Variants in MSI2 observed in about 807,000 individuals in gnomAD.
The protein encoded by MSI2 is musashi RNA binding protein 2.
In MSI2, 17 loss-of-function variants were observed where a neutral mutation model predicts 45.6. The observed-to-expected ratio is 0.37, with a 90% CI of 0.26 to 0.56. The LOEUF (loss-of-function observed/expected upper bound fraction) is 0.56, where lower values mean the gene tolerates loss of function less well. MSI2 is among the 20% of genes least tolerant of loss of function. The probability of loss-of-function intolerance (pLI) is 0.77; values close to 1 mark genes in which losing one functional copy is unlikely to be tolerated. For synonymous variants in MSI2, 156 were observed against 158.2 expected (o/e 0.99, Z 0.11); for missense variants, 293 against 444.2 (o/e 0.66, Z 3.06).
chr17:57,477,315 C>A (rs958384282), intron 6 of MSI2, among the ~76,000 whole-genome samples: 1 of 152,036 alleles, frequency 6.6e-6, no homozygotes, highest in Non-Finnish European at 1.5e-5. Flanking sequence ...ACACAATTGC[C>A]TGTTAATGGA....
chr17:57,522,838 A>G (rs2086620324), intron 6 of MSI2: 1 of 152,234 alleles, frequency 6.6e-6, no homozygotes, highest in South Asian at 2.1e-4. Flanking sequence ...TACCAGCAAC[A>G]CTGCTCTTTA....
intron 6 of MSI2, among the ~76,000 whole-genome samples, chr17:57,418,377 A>C (rs2084334394): frequency 6.6e-6 from 1 of 152,252 alleles, no homozygotes; most frequent in Non-Finnish European, 1.5e-5. Flanking sequence ...CACATGTCAG[A>C]AAGGTACATT....
intron 5 of MSI2, among the ~76,000 whole-genome samples, chr17:57,300,203 G>A (rs1268260413): frequency 6.6e-6 from 1 of 152,150 alleles, no homozygotes; most frequent in Non-Finnish European, 1.5e-5. Context: ...CAAGCAGTGG[G>A]ATTTTTTTTT....
intron 7 of MSI2, among the ~76,000 whole-genome samples, chr17:57,549,221 C>G (rs957558110): frequency 2.0e-5 from 3 of 151,842 alleles, no homozygotes; most frequent in Admixed American, 6.6e-5. Context: ...ATTGTGCATG[C>G]TGCCATCTAA....
At chr17:57,470,664 G>GCAGGC (rs2085418006) in intron 6 of MSI2, among the ~76,000 whole-genome samples, 1 of 152,224 alleles carries the variant, frequency 6.6e-6, no homozygotes, top group African/African-American at 2.4e-5. Context: ...ATAGTTGACT[G>GCAGGC]TGTGCACTGG....
intron 10 of MSI2, among the ~76,000 whole-genome samples, chr17:57,643,571 G>A (rs1455288890): frequency 1.1e-4 from 16 of 152,184 alleles, no homozygotes. Context: ...CCCTGGTTCC[G>A]CACTTGCCTC....
At chr17:57,346,934 A>G (rs1304053916) in intron 5 of MSI2, among the ~76,000 whole-genome samples, 2 of 152,148 alleles carry the variant, frequency 1.3e-5, no homozygotes, top group Non-Finnish European at 2.9e-5. Flanking sequence ...CAAAACCTAA[A>G]CAGAATAGGT....
Position 57,536,654 on chromosome 17 carries a change from C to T in MSI2, c.454+6930C>T, listed in dbSNP as rs764908979. 2.6e-5 allele frequency among the ~76,000 whole-genome samples: 4 copies of T among 152,208 alleles called. No individual in the cohort carries two copies. In the South Asian group the frequency reaches 8.3e-4, roughly 32 times the overall value. The stretch of plus-strand genomic sequence containing the variant: ...GATGTGTTAAGGGGTTTATTGGAAG[C>T]CTGTAAACCAACAGTTGGTCACTAT... On this transcript the variant is annotated intron_variant, in intron 7 of 13. Coordinates refer to ENST00000284073, the MANE Select transcript of MSI2 (RefSeq NM_138962.4).
intron 7 of MSI2, among the ~76,000 whole-genome samples, chr17:57,572,581 C>T (rs1311741687): frequency 6.6e-6 from 1 of 152,330 alleles, no homozygotes; most frequent in East Asian, 1.9e-4. Flanking sequence ...TGGCTGCAGC[C>T]TCAGGTACCT....
intron 5 of MSI2, among the ~76,000 whole-genome samples, chr17:57,368,321 T>C (rs2083370440): frequency 6.6e-6 from 1 of 152,128 alleles, no homozygotes; most frequent in Non-Finnish European, 1.5e-5. Context: ...TTTGGGAGGC[T>C]GAGGCGGGCG....
chr17:57,633,068 C>G, intron 10 of MSI2: 1 of 1,037,154 alleles, frequency 9.6e-7, no homozygotes, highest in Non-Finnish European at 1.2e-6. Context: ...AACGTTTTAG[C>G]CATTGTGAAT....
chr17:57,527,462 G>A (rs1254377294), intron 6 of MSI2, among the ~76,000 whole-genome samples: 1 of 45,566 alleles, frequency 2.2e-5, no homozygotes, highest in Non-Finnish European at 4.9e-5. Flanking sequence ...GCAGGTTACC[G>A]TCGGCGGGGG....
At chr17:57,270,218 A>G (rs901589757) in intron 5 of MSI2, among the ~76,000 whole-genome samples, 12 of 152,336 alleles carry the variant, frequency 7.9e-5, no homozygotes, top group African/African-American at 2.6e-4. Context: ...TACCGAGACT[A>G]TACACTTAGT....
chr17:57,564,086 C>G (rs2087667225), intron 7 of MSI2, among the ~76,000 whole-genome samples: 1 of 152,210 alleles, frequency 6.6e-6, no homozygotes, highest in African/African-American at 2.4e-5. Context: ...CTGTTGTGCT[C>G]AAGACACAAA....
chr17:57,600,762 C>A (rs1389434501), intron 8 of MSI2: 3 of 152,210 alleles, frequency 2.0e-5, no homozygotes, highest in Non-Finnish European at 4.4e-5. Flanking sequence ...AAAGACCCCA[C>A]ATGACACCCT....
At chr17:57,525,564 T>G (rs1401539254) in intron 6 of MSI2, among the ~76,000 whole-genome samples, 6 of 152,182 alleles carry the variant, frequency 3.9e-5, no homozygotes, top group African/African-American at 1.2e-4. Context: ...CTGGGATTAC[T>G]AGACATGAGC....
intron 6 of MSI2, among the ~76,000 whole-genome samples, chr17:57,452,318 G>A (rs904816687): frequency 7.2e-5 from 11 of 152,218 alleles, no homozygotes; most frequent in African/African-American, 2.2e-4. Context: ...CAGGTGACCC[G>A]CAGTCAGCCA....
chr17:57,338,605 G>C (rs946171419), intron 5 of MSI2, among the ~76,000 whole-genome samples: 1 of 152,158 alleles, frequency 6.6e-6, no homozygotes, highest in Non-Finnish European at 1.5e-5. Flanking sequence ...ACTCGTAGCC[G>C]GGTCTCTGCC....
intron 5 of MSI2, among the ~76,000 whole-genome samples, chr17:57,394,183 C>T (rs971631202): frequency 1.3e-5 from 2 of 152,144 alleles, no homozygotes; most frequent in African/African-American, 2.4e-5. Context: ...TCAATCCTCC[C>T]CTTTTTCCAA....
Sources: allele counts gnomAD v4.1 joint callset (sites outside exome capture counted in the v4.1 genomes callset), GRCh38; gene constraint gnomAD v4.1.1; transcripts MANE v1.5; gene names NCBI Gene and HGNC (gene_info 2026-07-23, HGNC 2026-07-21).